The following KATNIP variants were observed in gnomAD, a reference collection of about 807,000 sequenced individuals.
KATNIP encodes katanin interacting protein.
KATNIP carries 126 observed loss-of-function variants against 174.0 expected under a neutral mutation model. The ratio of observed to expected loss-of-function variants is 0.72; its 90% CI spans 0.63 to 0.84. The LOEUF is 0.84. KATNIP is among the 40% of genes least tolerant of loss of function. The pLI is 0.00. For missense variants in KATNIP, 1,958 were observed against 2,109.7 expected (o/e 0.93, Z 1.41); for synonymous variants, 810 against 835.7 (o/e 0.97, Z 0.53).
chr16:27,565,231 C>T (rs1323874673), intron 1 of KATNIP, among the ~76,000 whole-genome samples: 3 of 150,558 alleles, frequency 2.0e-5, no homozygotes, highest in East Asian at 2.0e-4. Flanking sequence ...TTTGGGAGGC[C>T]GAGGCGGGTG....
intron 2 of KATNIP, among the ~76,000 whole-genome samples, chr16:27,582,052 C>T (rs1342920378): frequency 6.6e-6 from 1 of 152,140 alleles, no homozygotes; most frequent in African/African-American, 2.4e-5. Flanking sequence ...TCGATTTCTG[C>T]AAGCCATCTC....
intron 2 of KATNIP, among the ~76,000 whole-genome samples, chr16:27,601,860 G>T (rs1322265812): frequency 6.6e-6 from 1 of 152,178 alleles, no homozygotes; most frequent in East Asian, 1.9e-4. Flanking sequence ...TACTCAGACA[G>T]CCCTGCCTGC....
intron 3 of KATNIP, among the ~76,000 whole-genome samples, chr16:27,620,929 G>C (rs910564039): frequency 6.6e-6 from 1 of 152,212 alleles, no homozygotes; most frequent in Non-Finnish European, 1.5e-5. Flanking sequence ...GTATTAGTAT[G>C]TTTTGGCTGT....
In KATNIP at chr16:27,769,980, C is replaced by T; in HGVS notation, c.4095C>T (p.Asp1365=). ...FDFAQEILFV[D]YLRAQLLPQP... ...TTGCTCAAGAAATCCTCTTCGTGGA[C>T]TACCTACGGGCTCAGCTGCTGCCCC... The change falls in exon 21 of 28, where the codon GAC becomes GAT. Residue 1365 remains aspartate (D), a synonymous_variant. Transcript: ENST00000261588. 1.9e-6 allele frequency: 3 copies of T among 1,614,254 alleles called. No homozygotes were observed. The highest frequency in any genetic ancestry group is 1.7e-6 in the Non-Finnish European group (2 of 1,180,032).
At chr16:27,557,415 C>T (rs935906671) in intron 1 of KATNIP, among the ~76,000 whole-genome samples, 4 of 145,802 alleles carry the variant, frequency 2.7e-5, no homozygotes, top group Admixed American at 7.2e-5. Context: ...TAAAGTGCTA[C>T]GGTTACAGGT....
intron 5 of KATNIP, among the ~76,000 whole-genome samples, chr16:27,648,239 T>C (rs544266441): frequency 6.7e-6 from 1 of 149,260 alleles, no homozygotes; most frequent in African/African-American, 2.5e-5. Flanking sequence ...GTTGCAGGGA[T>C]CCAAGATCGC....
intron 5 of KATNIP, among the ~76,000 whole-genome samples, chr16:27,636,739 A>G (rs1409042015): frequency 6.6e-6 from 1 of 151,858 alleles, no homozygotes; most frequent in Non-Finnish European, 1.5e-5. Flanking sequence ...TGTGCACCCC[A>G]GACCTGGCCA....
chr16:27,669,452 GA>G (rs1256777203), intron 6 of KATNIP, among the ~76,000 whole-genome samples: 1 of 152,198 alleles, frequency 6.6e-6, no homozygotes, highest in African/African-American at 2.4e-5. Context: ...ACTGAACACT[GA>G]AATCAAATAT....
intron 3 of KATNIP, among the ~76,000 whole-genome samples, chr16:27,624,401 A>T (rs2076275346): frequency 6.6e-6 from 1 of 152,156 alleles, no homozygotes. Context: ...AAAGGCCAAC[A>T]TGGGCATAAA....
At chr16:27,749,044 C>T (rs1396833286) in intron 15 of KATNIP, among the ~76,000 whole-genome samples, 1 of 152,172 alleles carries the variant, frequency 6.6e-6, no homozygotes, top group Admixed American at 6.5e-5. Context: ...AGTCACGTGA[C>T]TGTGACAGTC....
At chr16:27,559,818 TA>T (rs2089786531) in intron 1 of KATNIP, among the ~76,000 whole-genome samples, 1 of 148,448 alleles carries the variant, frequency 6.7e-6, no homozygotes, top group South Asian at 2.1e-4. Context: ...CCGTCTCTAG[TA>T]AAAATACAGA....
rs144481766 is a variant in KATNIP, at chr16:27,740,976, G to T, written c.2623+56G>T. ...ATCATCATCCCAGCCCCTCTAATTG[G>T]CATGAAGCCAGTTAGCTCCTGGACC... On this transcript the variant is annotated intron_variant, in intron 15 of 27. Coordinates refer to ENST00000261588, the MANE Select transcript of KATNIP (RefSeq NM_015202.5). 1.0e-4 allele frequency: 152 copies of T among 1,448,252 alleles called. No homozygotes were observed. In the African/African-American group the frequency reaches 2.7e-3, roughly 25 times the overall value. The allele number at this position is 1,448,252 out of a possible 1,614,324, so 89.7% of individuals were successfully genotyped here.
chr16:27,692,746 C>T (rs2142923189), intron 8 of KATNIP, among the ~76,000 whole-genome samples: 1 of 152,292 alleles, frequency 6.6e-6, no homozygotes, highest in African/African-American at 2.4e-5. Context: ...CTGCATGTAC[C>T]TGACCCATGT....
At chr16:27,601,002 G>A (rs893781193) in intron 2 of KATNIP, among the ~76,000 whole-genome samples, 11 of 152,232 alleles carry the variant, frequency 7.2e-5, no homozygotes, top group Admixed American at 5.2e-4. Context: ...CAAAGTGCTG[G>A]GATTACAGAA....
chr16:27,563,450 C>G (rs768379190), intron 1 of KATNIP, among the ~76,000 whole-genome samples: 1 of 151,972 alleles, frequency 6.6e-6, no homozygotes, highest in Non-Finnish European at 1.5e-5. Context: ...CCTGGGAGGT[C>G]GAGGCTGCAG....
chr16:27,735,245 G>C (rs1308347652), intron 14 of KATNIP, among the ~76,000 whole-genome samples: 1 of 152,038 alleles, frequency 6.6e-6, no homozygotes, highest in Non-Finnish European at 1.5e-5. Context: ...CCCTCTCTCA[G>C]TTCCCTCTCC....
intron 2 of KATNIP, among the ~76,000 whole-genome samples, chr16:27,578,007 A>G (rs1398198112): frequency 6.6e-6 from 1 of 152,224 alleles, no homozygotes; most frequent in Non-Finnish European, 1.5e-5. Flanking sequence ...TTATTCATTC[A>G]TTCATACTTA....
intron 6 of KATNIP, among the ~76,000 whole-genome samples, chr16:27,654,156 A>G (rs1335032678): frequency 6.6e-6 from 1 of 152,082 alleles, no homozygotes; most frequent in Non-Finnish European, 1.5e-5. Flanking sequence ...TTGAATTTTT[A>G]GTAGAGATGG....
intron 3 of KATNIP, among the ~76,000 whole-genome samples, chr16:27,625,998 C>T (rs535231835): frequency 1.4e-3 from 216 of 151,726 alleles, no homozygotes; most frequent in African/African-American, 3.9e-3. Context: ...CACAGGTGCA[C>T]GCTACCACGC....
Sources: gnomAD v4.1 joint callset for allele counts (sites outside exome capture counted in the v4.1 genomes callset) on GRCh38, gnomAD v4.1.1 for gene constraint, MANE v1.5 for transcripts, NCBI Gene and HGNC (gene_info 2026-07-23, HGNC 2026-07-21) for gene names.